ANO4: variants seen among roughly 807,000 people sequenced by gnomAD.
The protein encoded by ANO4 is anoctamin-4.
Under a neutral mutation model 141.9 loss-of-function variants are expected in ANO4, and 69 were observed. The ratio of observed to expected loss-of-function variants is 0.49; its 90% confidence interval spans 0.40 to 0.59. The LOEUF (loss-of-function observed/expected upper bound fraction) is 0.59. ANO4 is among the 20% of genes least tolerant of loss of function. The pLI is 0.00. For synonymous variants in ANO4, 350 were observed against 394.3 expected, an observed-to-expected ratio of 0.89 and a Z score of 1.33; for missense variants, 894 against 1,162.2, an observed-to-expected ratio of 0.77 and a Z score of 3.36.
chr12:101,042,288 T>G, intron 11 of ANO4, 46 bp from the exon 12 acceptor site: 1 of 1,611,374 alleles, frequency 6.2e-7, no homozygotes, highest in Non-Finnish European at 8.5e-7. Flanking sequence ...AATGCTTAAC[T>G]TTACACACTG....
intron 9 of ANO4, among the ~76,000 whole-genome samples, chr12:101,026,327 T>C (rs979179136): frequency 2.0e-5 from 3 of 152,164 alleles, no homozygotes; most frequent in South Asian, 2.1e-4. Context: ...AAACAAAAGA[T>C]ACTTAAGAAT....
chr12:101,026,227 G>A (rs527765492), intron 9 of ANO4, among the ~76,000 whole-genome samples: 3 of 152,152 alleles, frequency 2.0e-5, no homozygotes, highest in Non-Finnish European at 4.4e-5. Context: ...CTCTCAATCT[G>A]CAACAAACAG....
At chr12:101,088,155 TACTCACTGTGATTC>T (rs1420557317) in intron 17 of ANO4, among the ~76,000 whole-genome samples, 4 of 152,174 alleles carry the variant, frequency 2.6e-5, no homozygotes, top group Non-Finnish European at 4.4e-5. Flanking sequence ...TCTTTTCTTT[TACTCACTGTGATTC>T]ACCTGCTCCA....
At chr12:101,027,755 C>G (rs934288911) in intron 9 of ANO4, among the ~76,000 whole-genome samples, 15 of 152,172 alleles carry the variant, frequency 9.9e-5, no homozygotes, top group Non-Finnish European at 1.8e-4. Flanking sequence ...GCTGCAGTCT[C>G]TGCAGACCAG....
intron 1 of ANO4, among the ~76,000 whole-genome samples, chr12:100,894,915 G>T (rs1025114401): frequency 3.4e-5 from 5 of 146,310 alleles, no homozygotes; most frequent in Non-Finnish European, 7.4e-5. Context: ...GCAGTGAGCC[G>T]AGATCCCGCC....
intron 1 of ANO4, among the ~76,000 whole-genome samples, chr12:100,867,890 A>G (rs1438511807): frequency 6.6e-6 from 1 of 152,174 alleles, no homozygotes; most frequent in Non-Finnish European, 1.5e-5. Flanking sequence ...CATTGCCCTC[A>G]TGCAATGAAT....
At chr12:100,965,400 T>A (rs1055907771) in intron 5 of ANO4, among the ~76,000 whole-genome samples, 2 of 152,154 alleles carry the variant, frequency 1.3e-5, no homozygotes, top group South Asian at 2.1e-4. Context: ...AACTTTCTTA[T>A]TGAACTTCCC....
chr12:100,927,610 G>A (rs981269206), intron 3 of ANO4, among the ~76,000 whole-genome samples: 3 of 152,080 alleles, frequency 2.0e-5, no homozygotes, highest in Non-Finnish European at 4.4e-5. Flanking sequence ...ATGTATGTGA[G>A]CATTTATTAC....
intron 1 of ANO4, among the ~76,000 whole-genome samples, chr12:100,896,769 G>A (rs958282471): frequency 2.6e-5 from 4 of 152,112 alleles, no homozygotes; most frequent in Admixed American, 1.3e-4. Flanking sequence ...GATGAGCAGA[G>A]GCAATGGTAT....
At chr12:100,806,571 G>T (rs1434155325) in intron 1 of ANO4, among the ~76,000 whole-genome samples, 1 of 77,344 alleles carries the variant, frequency 1.3e-5, no homozygotes, top group Non-Finnish European at 2.4e-5. Context: ...GTGAGACAGA[G>T]TCTCGCTCTG....
At chr12:100,737,353 C>T (rs1242685114) in intron 2 of ANO4, among the ~76,000 whole-genome samples, 1 of 152,204 alleles carries the variant, frequency 6.6e-6, no homozygotes, top group Non-Finnish European at 1.5e-5. Context: ...TGGTGCCCTC[C>T]TCAGGCCATT....
intron 1 of ANO4, among the ~76,000 whole-genome samples, chr12:100,719,986 G>A (rs955269663): frequency 4.6e-5 from 7 of 152,126 alleles, no homozygotes; most frequent in African/African-American, 9.7e-5. Flanking sequence ...AGAATTCTGG[G>A]TTTTTAAGGC....
intron 5 of ANO4, among the ~76,000 whole-genome samples, chr12:100,953,875 A>G (rs61620903): frequency 0.067 from 10,204 of 151,356 alleles, 1,054 homozygotes; most frequent in African/African-American, 0.22. Context: ...GGAGTAACTG[A>G]ATGGGGGGGT....
intron 9 of ANO4, among the ~76,000 whole-genome samples, chr12:101,023,808 G>C (rs1253650102): frequency 6.6e-6 from 1 of 152,120 alleles, no homozygotes; most frequent in Non-Finnish European, 1.5e-5. Flanking sequence ...ACTACTAATG[G>C]CCTGTAGATT....
intron 1 of ANO4, among the ~76,000 whole-genome samples, chr12:100,797,400 G>C (rs2034400153): frequency 6.6e-6 from 1 of 151,626 alleles, no homozygotes; most frequent in African/African-American, 2.4e-5. Flanking sequence ...ACAGCATGGT[G>C]TCATGTTAAT....
intron 1 of ANO4, among the ~76,000 whole-genome samples, chr12:100,848,094 T>G (rs566427163): frequency 2.0e-5 from 3 of 152,288 alleles, no homozygotes; most frequent in South Asian, 4.1e-4. Flanking sequence ...AAGAAGAAAT[T>G]TTTGTACCTA....
In ANO4 at chr12:101,083,728, G is replaced by T; in HGVS notation, c.1446G>T (p.Met482Ile). 2 of 1,608,968 alleles carry T rather than the reference G, an allele frequency of 1.2e-6. No individual in the cohort carries two copies. Among genetic ancestry groups the T allele is most frequent in the Non-Finnish European group, 1.7e-6 (2 of 1,178,878 alleles). ...CCAAGTATTCCAAGAAAGAGCGGAT[G>T]AATCCAATTTCTGGAAAGCCAGAAC... ...FEAKYSKKER[M>I]NPISGKPEPY... Residue 482 changes from methionine (M) to isoleucine (I), a missense_variant, in exon 16 of 28, where the codon ATG becomes ATT. Physicochemically the swap from Met to Ile is conservative, Grantham distance 10. Transcript: ENST00000392977.
chr12:100,849,139 A>G (rs1364804315), intron 1 of ANO4, among the ~76,000 whole-genome samples: 1 of 152,200 alleles, frequency 6.6e-6, no homozygotes, highest in African/African-American at 2.4e-5. Flanking sequence ...CCTTTGGGTA[A>G]AAGATCCTGC....
chr12:101,069,767 T>C (rs542653929), intron 14 of ANO4, among the ~76,000 whole-genome samples: 262 of 152,340 alleles, frequency 1.7e-3, no homozygotes, highest in Non-Finnish European at 1.7e-3. Context: ...TTATGTACTC[T>C]TGGCACCTCC....
Sources: allele counts gnomAD v4.1 joint callset (sites outside exome capture counted in the v4.1 genomes callset), GRCh38; gene constraint gnomAD v4.1.1; transcripts MANE v1.5; gene names NCBI Gene and HGNC (gene_info 2026-07-23, HGNC 2026-07-21).